The following TOPBP1 variants were observed in gnomAD, a reference collection of about 807,000 sequenced individuals.
TOPBP1 encodes DNA topoisomerase II binding protein 1.
A neutral mutation model predicts 167.7 loss-of-function variants in TOPBP1; 28 were observed. The observed-to-expected ratio is 0.17, with a 90% CI of 0.12 to 0.23. The LOEUF is 0.23. Ranked by LOEUF, TOPBP1 falls within the 10% of genes least tolerant of loss-of-function variation. The pLI is 1.00. For synonymous variants in TOPBP1, 598 were observed against 611.4 expected, an observed-to-expected ratio of 0.98 and a Z score of 0.32; for missense variants, 1,554 against 1,809.6, an observed-to-expected ratio of 0.86 and a Z score of 2.56.
intron 15 of TOPBP1, 28 bp downstream of exon 15, chr3:133,628,532 T>C (rs1399452342): frequency 6.2e-7 from 1 of 1,606,548 alleles, no homozygotes; most frequent in Non-Finnish European, 8.5e-7. Flanking sequence ...TATCTAAAAC[T>C]TCCTTTTAAT....
intron 12 of TOPBP1, among the ~76,000 whole-genome samples, chr3:133,641,516 C>T (rs1036703572): frequency 6.6e-6 from 1 of 152,166 alleles, no homozygotes; most frequent in Admixed American, 6.5e-5. Flanking sequence ...CAGATTTATG[C>T]TACATTGCCT....
chr3:133,623,798 A>G (rs1198946521), intron 17 of TOPBP1, among the ~76,000 whole-genome samples: 2 of 152,236 alleles, frequency 1.3e-5, no homozygotes, highest in African/African-American at 2.4e-5. Context: ...TAAACTTTCC[A>G]TTCATATCAC....
chr3:133,632,077 T>G (rs552868231), intron 14 of TOPBP1, among the ~76,000 whole-genome samples: 2 of 152,302 alleles, frequency 1.3e-5, no homozygotes, highest in East Asian at 3.9e-4. Flanking sequence ...TGGTGCTTCC[T>G]GTACAGCCTG....
In TOPBP1 at chr3:133,653,362, T is replaced by C; in HGVS notation, c.905A>G (p.Gln302Arg). The C allele has an allele frequency of 6.2e-7, 1 of 1,601,158 alleles. No individual in the cohort carries two copies. Among genetic ancestry groups the C allele is most frequent in the East Asian group, 2.2e-5 (1 of 44,570 alleles). Residue 302 changes from glutamine (Q) to arginine (R), a missense_variant, in exon 7 of 28, where the codon CAG becomes CGG. Gln to Arg is a conservative substitution (Grantham distance 43). Coordinates refer to ENST00000260810, the MANE Select transcript of TOPBP1 (RefSeq NM_007027.4). Reference sequence around the variant, plus strand: ...AGACTCACTATCAATTGTGTTGATCTGGCTGGTAGGAGTTGAAGAATTGGG... The same window carrying C: ...AGACTCACTATCAATTGTGTTGATCCGGCTGGTAGGAGTTGAAGAATTGGG... Reference protein sequence around the residue: ...TMPNSSTPTSQINTIDSRTLS... With the variant: ...TMPNSSTPTSRINTIDSRTLS...
chr3:133,620,056 C>T (rs1935030158), intron 20 of TOPBP1, 99 bp downstream of exon 20: 1 of 1,317,006 alleles, frequency 7.6e-7, no homozygotes, highest in African/African-American at 1.5e-5. Flanking sequence ...GAAAAAAAAG[C>T]TAAATTAGGC....
intron 12 of TOPBP1, among the ~76,000 whole-genome samples, chr3:133,642,492 A>G (rs930692826): frequency 6.6e-6 from 1 of 152,204 alleles, no homozygotes; most frequent in South Asian, 2.1e-4. Context: ...CTTGCTGATT[A>G]TATCACTGTA....
chr3:133,660,355 A>ATGTAAGCT (rs1419366538), intron 2 of TOPBP1, among the ~76,000 whole-genome samples: 1 of 152,194 alleles, frequency 6.6e-6, no homozygotes, highest in Non-Finnish European at 1.5e-5. Context: ...TCCTGCTAGA[A>ATGTAAGCT]TGTAAGCTCT....
Position 133,608,863 on chromosome 3 carries a change from T to C in TOPBP1, c.4263+10A>G. The stretch of plus-strand genomic sequence containing the variant: ...ATGTAAAAAGGTCAGTAAATTAATT[T>C]GATACAAACCTTTGCTCCTCCTGAC... On this transcript the variant is annotated intron_variant, in intron 26 of 27. Coordinates refer to ENST00000260810, the MANE Select transcript of TOPBP1 (RefSeq NM_007027.4). 6.2e-7 allele frequency: 1 copy of C among 1,601,680 alleles called. No individual in the cohort carries two copies. The highest frequency in any genetic ancestry group is 1.8e-5 in the Admixed American group (1 of 56,368).
In TOPBP1 at chr3:133,615,074, CTT is replaced by C. The variant is rs397874247; in HGVS notation, c.3871+1738_3871+1739del. On this transcript the variant is annotated intron_variant, in intron 23 of 27. Transcript: ENST00000260810. ...GTATACAACTGTATTTGACATAAAT[CTT>C]TTTTTTTTTTTTAAAGCATATCATA... 1.9e-3 allele frequency among the ~76,000 whole-genome samples: 281 copies of C among 144,140 alleles called. 1 individual carries two copies. The highest frequency in any genetic ancestry group is 6.2e-3 in the African/African-American group (246 of 39,614). 94.6% of individuals were successfully genotyped at this position (144,140 alleles called of 152,430 possible).
chr3:133,621,536 G>A (rs959916360), intron 19 of TOPBP1, among the ~76,000 whole-genome samples: 16 of 152,196 alleles, frequency 1.1e-4, no homozygotes, highest in African/African-American at 3.9e-4. Context: ...ATGATTTAAA[G>A]TATACAGGAG....
chr3:133,644,267 TG>T lies in TOPBP1; in HGVS notation c.1600del (p.Gln534SerfsTer42). 6.2e-7 allele frequency: 1 copy of T among 1,613,816 alleles called. No individual in the cohort carries two copies. The highest frequency in any genetic ancestry group is 8.5e-7 in the Non-Finnish European group (1 of 1,179,812). On this transcript the variant is annotated frameshift_variant, in exon 11 of 28. Transcript: ENST00000260810. LOFTEE classifies it high-confidence loss of function. Reference protein sequence around the residue: ...STHISLQEENQSSVSHCVPDV... With the variant: ...STHISLQEENXSSVSHCVPDV... Reference sequence around the variant, plus strand: ...AGGGACACAATGACTGACAGAAGACTGGTTTTCTTCTTGCAAAGAAATGTGA... The same window carrying T: ...AGGGACACAATGACTGACAGAAGACTGTTTTCTTCTTGCAAAGAAATGTGA...
chr3:133,618,498 A>C, intron 20 of TOPBP1, 65 bp from the exon 21 acceptor site: 3 of 1,501,206 alleles, frequency 2.0e-6, no homozygotes, highest in Non-Finnish European at 2.7e-6. Context: ...TAAATCCATA[A>C]GTTAGACCAT....
At chr3:133,629,771 A>G (rs1418269873) in intron 14 of TOPBP1, among the ~76,000 whole-genome samples, 2 of 151,554 alleles carry the variant, frequency 1.3e-5, no homozygotes, top group Admixed American at 6.6e-5. Flanking sequence ...ATATCTTTAT[A>G]TGTGTGTGTG....
At position 133,601,180 on chromosome 3, in the gene TOPBP1, T is replaced by C. The variant is rs1037551418; in HGVS notation, c.*70A>G. The C allele has an allele frequency of 1.5e-6, 2 of 1,369,432 alleles. No homozygotes were observed. The highest frequency in any genetic ancestry group is 2.5e-5 in the Admixed American group (1 of 39,756). The allele number at this position is 1,369,432 out of a possible 1,614,324, so 84.8% of individuals were successfully genotyped here. A position where few individuals can be genotyped will look rare whatever the true frequency, so the allele number is the denominator to read the frequency against. On this transcript the variant is annotated 3_prime_UTR_variant, in exon 28 of 28. Transcript: ENST00000260810. ...TCATCTTTAAATTACTACCCAAATC[T>C]ATCACAGTCACATTCAGGCTTTCAA...
intron 2 of TOPBP1, 63 bp from the exon 3 acceptor site, chr3:133,659,213 A>T: frequency 7.0e-7 from 1 of 1,432,410 alleles, no homozygotes; most frequent in Non-Finnish European, 9.2e-7. Context: ...GGTCCTATTC[A>T]AATTCCATCT....
chr3:133,659,746 A>T (rs894016678), intron 2 of TOPBP1, among the ~76,000 whole-genome samples: 3 of 145,198 alleles, frequency 2.1e-5, no homozygotes, highest in African/African-American at 7.5e-5. Flanking sequence ...AGTCTATTCT[A>T]TTTAAAAATA....
intron 12 of TOPBP1, 127 bp from the exon 13 acceptor site, chr3:133,640,297 T>G: frequency 1.2e-6 from 1 of 823,184 alleles, no homozygotes; most frequent in East Asian, 2.7e-5. Context: ...TGATTAAAAG[T>G]TGGTTTACTC....
At chr3:133,602,549 A>C (rs1410027777) in intron 27 of TOPBP1, among the ~76,000 whole-genome samples, 3 of 152,216 alleles carry the variant, frequency 2.0e-5, no homozygotes, top group African/African-American at 7.2e-5. Context: ...AACCTATTTA[A>C]AGTAAAATCT....
chr3:133,614,830 G>C (rs953378081), intron 23 of TOPBP1, among the ~76,000 whole-genome samples: 2 of 134,822 alleles, frequency 1.5e-5, no homozygotes, highest in Non-Finnish European at 3.2e-5. Flanking sequence ...CCTGTCCTGG[G>C]GTGGGGGGAG....
Sources: gnomAD v4.1 joint callset for allele counts (sites outside exome capture counted in the v4.1 genomes callset) on GRCh38, gnomAD v4.1.1 for gene constraint, MANE v1.5 for transcripts, NCBI Gene and HGNC (gene_info 2026-07-23, HGNC 2026-07-21) for gene names.